The following EHMT1 variants were observed in gnomAD, a reference collection of about 807,000 sequenced individuals.
The protein encoded by EHMT1 is histone-lysine N-methyltransferase EHMT1.
A neutral mutation model predicts 147.2 loss-of-function variants in EHMT1; 15 were observed. The observed-to-expected ratio is 0.10, with a 90% confidence interval of 0.07 to 0.16. The LOEUF is 0.16. Ranked by LOEUF, EHMT1 falls within the 10% of genes least tolerant of loss-of-function variation. EHMT1 has a pLI of 1.00. For missense variants in EHMT1, 1,587 were observed against 1,772.4 expected (o/e 0.90, Z 1.88); for synonymous variants, 795 against 709.6 (o/e 1.12, Z -1.91).
At chr9:137,750,739 G>A (rs918171867) in intron 6 of EHMT1, among the ~76,000 whole-genome samples, 4 of 152,226 alleles carry the variant, frequency 2.6e-5, no homozygotes, top group African/African-American at 9.6e-5. Context: ...GGGGGACACC[G>A]GAGCTCAGGA....
chr9:137,701,769 A>G (rs1211980345), intron 1 of EHMT1, among the ~76,000 whole-genome samples: 14 of 144,436 alleles, frequency 9.7e-5, no homozygotes, highest in Non-Finnish European at 1.5e-5. Context: ...CTGGGATTAC[A>G]GGCACGCGCC....
chr9:137,681,747 A>AT (rs1564580609), intron 1 of EHMT1, among the ~76,000 whole-genome samples: 1 of 151,996 alleles, frequency 6.6e-6, no homozygotes, highest in Non-Finnish European at 1.5e-5. Flanking sequence ...GCACACACTC[A>AT]TTCTGCTTTT....
chr9:137,710,741 CTG>C (rs1173054213), intron 1 of EHMT1, among the ~76,000 whole-genome samples: 1 of 152,134 alleles, frequency 6.6e-6, no homozygotes, highest in Non-Finnish European at 1.5e-5. Flanking sequence ...TGTTAAGAAA[CTG>C]TCTTCAAAAA....
chr9:137,632,358 A>T (rs748530302), intron 1 of EHMT1, among the ~76,000 whole-genome samples: 3 of 152,200 alleles, frequency 2.0e-5, no homozygotes, highest in Non-Finnish European at 4.4e-5. Flanking sequence ...AGGTGGGAGT[A>T]AGTCAACCTT....
intron 4 of EHMT1, among the ~76,000 whole-genome samples, chr9:137,742,287 ATTTGTGTGTGTGTGTG>A (rs1948159546): frequency 1.1e-5 from 1 of 94,486 alleles, no homozygotes; most frequent in African/African-American, 4.6e-5. Context: ...GTAGAACCAA[ATTTGTGTGTGTGTGTG>A]TGTGTGTGTG....
rs558906121 is a variant in EHMT1 at position 137,780,318 on chromosome 9, C to T, written c.2275+601C>T. 1.0e-4 allele frequency among the ~76,000 whole-genome samples: 10 copies of T among 98,748 alleles called. No homozygotes were observed. The East Asian group carries it at 1.7e-3, about 17-fold the overall frequency. The allele number at this position is 98,748 out of a possible 152,430, so 64.8% of individuals were successfully genotyped here. On this transcript the variant is annotated intron_variant, in intron 14 of 26. Transcript: ENST00000460843. ...ATGACGCTGAGATGTGTGGTGATGA[C>T]GGCATCACTGAGATGTGTGGTGATG...
chr9:137,666,856 C>T (rs1255881043), intron 1 of EHMT1, among the ~76,000 whole-genome samples: 1 of 152,130 alleles, frequency 6.6e-6, no homozygotes, highest in Non-Finnish European at 1.5e-5. Flanking sequence ...AAGTGCTGGG[C>T]ACATCTTAGG....
intron 1 of EHMT1, among the ~76,000 whole-genome samples, chr9:137,680,025 G>T (rs1232596487): frequency 6.6e-6 from 1 of 152,122 alleles, no homozygotes; most frequent in Non-Finnish European, 1.5e-5. Flanking sequence ...CTTTCCTGCT[G>T]ATGTGAAATG....
In EHMT1 at chr9:137,775,859, TGTGG is replaced by T. The variant is rs1950914935; in HGVS notation, c.1791+609_1791+612del. ...GCTGCTTCCCTTTGGAGCTCCCCTG[TGTGG>T]GCATCCTCGTGCATGTAGGGTGTGT... On this transcript the variant is annotated intron_variant, in intron 11 of 26. Transcript: ENST00000460843. This position sits in a 1 kb window ranked among gnomAD's most constrained non-coding sequence, Gnocchi z 6.1. Among the ~76,000 whole-genome samples the T allele has an allele frequency of 6.6e-6, 1 of 151,342 alleles. No individual in the cohort carries two copies. The highest frequency in any genetic ancestry group is 1.5e-5 in the Non-Finnish European group (1 of 67,886).
chr9:137,822,666 G>C (rs958099845), intron 25 of EHMT1, among the ~76,000 whole-genome samples: 1 of 152,072 alleles, frequency 6.6e-6, no homozygotes, highest in South Asian at 2.1e-4. Context: ...AGGCCGAGGC[G>C]GGCGGATCAC....
At chr9:137,750,583 A>T (rs1001269473) in intron 6 of EHMT1, among the ~76,000 whole-genome samples, 2 of 152,224 alleles carry the variant, frequency 1.3e-5, no homozygotes, top group African/African-American at 4.8e-5. Context: ...GAGTGACAAG[A>T]TCCATTGTTT....
At chr9:137,669,436 GC>G (rs1940215565) in intron 1 of EHMT1, among the ~76,000 whole-genome samples, 1 of 3,402 alleles carries the variant, frequency 2.9e-4, no homozygotes, top group African/African-American at 1.2e-3. Flanking sequence ...CCAAGACGCC[GC>G]CCACAGCACG....
chr9:137,777,866 A>G lies in EHMT1; in HGVS notation c.2019-16A>G, dbSNP rs759314972. The G allele has an allele frequency of 5.6e-6, 9 of 1,611,804 alleles. No individual in the cohort carries two copies. The highest frequency in any genetic ancestry group is 1.8e-4 in the Middle Eastern group (1 of 5,642). ...TCGTGTTTTCATAAACCTTTCCCCG[A>G]TTTCCTCCCCTGAAGTGCTGCCGGG... On this transcript the variant is annotated splice_polypyrimidine_tract_variant and intron_variant, in intron 12 of 26. Coordinates refer to ENST00000460843, the MANE Select transcript of EHMT1 (RefSeq NM_024757.5).
At chr9:137,632,508 G>A (rs112382327) in intron 1 of EHMT1, among the ~76,000 whole-genome samples, 2,355 of 152,236 alleles carry the variant, frequency 0.015, 52 homozygotes, top group African/African-American at 0.052. Context: ...GGCTCGAGCA[G>A]TCCTCCCGCC....
chr9:137,835,179 G>C lies in EHMT1; in HGVS notation c.*226G>C, dbSNP rs571061996. On this transcript the variant is annotated 3_prime_UTR_variant, in exon 27 of 27. Transcript: ENST00000460843. ...CACCGCGGGCCCAGTGCCCAGGCTGGAGCGCACACTTTGGTCCGCGCGCCA... is the reference window on the plus strand; with the variant it reads ...CACCGCGGGCCCAGTGCCCAGGCTGCAGCGCACACTTTGGTCCGCGCGCCA... The C allele has an allele frequency of 2.3e-6, 1 of 443,218 alleles. No homozygotes were observed. The highest frequency in any genetic ancestry group is 2.1e-5 in the African/African-American group (1 of 47,672). 27.5% of individuals were successfully genotyped at this position (443,218 alleles called of 1,614,324 possible).
intron 4 of EHMT1, among the ~76,000 whole-genome samples, chr9:137,741,456 G>A (rs535590933): frequency 6.6e-6 from 1 of 152,288 alleles, no homozygotes; most frequent in African/African-American, 2.4e-5. Context: ...TGGTCATGCT[G>A]TTGTCACATT....
At position 137,762,702 on chromosome 9, in the gene EHMT1, A is replaced by C. The variant is rs1416472419; in HGVS notation, c.1529A>C (p.Glu510Ala). Residue 510 changes from glutamate (E) to alanine (A), a missense_variant, in exon 10 of 27, where the codon GAG (glutamate) becomes GCG (alanine). Glu to Ala is a moderately radical substitution (Grantham distance 107). Around this residue, in one of 7 missense-constraint regions of EHMT1, gnomAD observed 810 missense variants for 673.0 expected, o/e 1.20. Transcript: ENST00000460843. ...TTGGCCAACGGTCCAGATGTGCTGG[A>C]GACAGACGGCCTCCAGGAAGTGCCT... ...EGLANGPDVL[E>A]TDGLQEVPLC... The C allele has an allele frequency of 6.2e-7, 1 of 1,614,262 alleles. No individual in the cohort carries two copies. Among genetic ancestry groups the C allele is most frequent in the East Asian group, 2.2e-5 (1 of 44,894 alleles).
chr9:137,687,611 G>C (rs1337194759), intron 1 of EHMT1, among the ~76,000 whole-genome samples: 1 of 152,208 alleles, frequency 6.6e-6, no homozygotes, highest in East Asian at 1.9e-4. Context: ...TCATGAGGCA[G>C]AGTTTTCATG....
intron 1 of EHMT1, among the ~76,000 whole-genome samples, chr9:137,674,734 G>C (rs947047375): frequency 6.6e-6 from 1 of 152,236 alleles, no homozygotes; most frequent in Non-Finnish European, 1.5e-5. Context: ...TTTTGTAAGT[G>C]GGAGGCAGGC....
Sources: gnomAD v4.1 joint callset for allele counts (sites outside exome capture counted in the v4.1 genomes callset) on GRCh38, gnomAD v4.1.1 for gene constraint, gnomAD v4.1.1 regional missense constraint, Gnocchi (gnomAD v3.1) non-coding constraint, MANE v1.5 for transcripts, NCBI Gene and HGNC (gene_info 2026-07-23, HGNC 2026-07-21) for gene names.